The following ADD1 variants were observed in gnomAD, a reference collection of about 807,000 sequenced individuals.
ADD1 encodes adducin 1.
ADD1 carries 24 observed loss-of-function variants against 80.5 expected under a neutral mutation model. The ratio of observed to expected loss-of-function variants is 0.30; its 90% CI spans 0.22 to 0.42. ADD1 has a LOEUF of 0.42. ADD1 is among the 10% of genes least tolerant of loss of function. The pLI, the probability that ADD1 is intolerant of heterozygous loss-of-function variation, is 1.00. For synonymous variants in ADD1, 373 were observed against 393.8 expected, an observed-to-expected ratio of 0.95 and a Z score of 0.63; for missense variants, 948 against 1,019.0, an observed-to-expected ratio of 0.93 and a Z score of 0.95.
At chr4:2,855,455 A>T (rs932454127) in intron 1 of ADD1, among the ~76,000 whole-genome samples, 7 of 151,588 alleles carry the variant, frequency 4.6e-5, no homozygotes, top group African/African-American at 1.7e-4. Context: ...TGGTTTGGAA[A>T]TGACATACTC....
intron 4 of ADD1, among the ~76,000 whole-genome samples, chr4:2,888,537 T>G (rs1055893473): frequency 1.1e-4 from 16 of 151,652 alleles, no homozygotes; most frequent in Admixed American, 1.1e-3. Flanking sequence ...TGCCTCAGCC[T>G]CCCAAGTAGC....
chr4:2,927,973 G>A (rs764025220), intron 15 of ADD1, among the ~76,000 whole-genome samples, 198 bp from the exon 16 acceptor site: 33 of 152,262 alleles, frequency 2.2e-4, no homozygotes, highest in South Asian at 8.3e-4. Context: ...AAACTACCCC[G>A]AGACTGAGTC....
chr4:2,872,814 C>T (rs1156676416), intron 1 of ADD1, among the ~76,000 whole-genome samples: 3 of 152,162 alleles, frequency 2.0e-5, no homozygotes, highest in Non-Finnish European at 1.5e-5. Context: ...CCCACATCAG[C>T]TTCTCAAAGT....
chr4:2,880,158 C>T (rs1732010115), intron 2 of ADD1, among the ~76,000 whole-genome samples: 1 of 152,098 alleles, frequency 6.6e-6, no homozygotes, highest in African/African-American at 2.4e-5. Flanking sequence ...TTTTCCCTTC[C>T]TCACGGATGA....
Position 2,894,108 on chromosome 4 carries a change from C to G in ADD1, c.591+15C>G. 1 of 1,604,556 alleles carries G rather than the reference C, an allele frequency of 6.2e-7. No homozygotes were observed. Among genetic ancestry groups the G allele is most frequent in the South Asian group, 1.1e-5 (1 of 90,890 alleles). On this transcript the variant is annotated intron_variant, in intron 5 of 15. Transcript: ENST00000683351. ...CATCCAGTTTGGTAAGAATGTCCTTCTCTTTGGCAGCTTGTATGTGCAGGT... is the reference window on the plus strand; with the variant it reads ...CATCCAGTTTGGTAAGAATGTCCTTGTCTTTGGCAGCTTGTATGTGCAGGT...
chr4:2,899,468 T>A, intron 9 of ADD1, 33 bp downstream of exon 9: 2 of 1,612,824 alleles, frequency 1.2e-6, no homozygotes, highest in South Asian at 1.1e-5. Context: ...ATGATAAACC[T>A]TTTGTTCTAA....
intron 1 of ADD1, among the ~76,000 whole-genome samples, chr4:2,852,412 C>T (rs1472848552): frequency 2.2e-4 from 33 of 147,182 alleles, no homozygotes; most frequent in Admixed American, 8.8e-4. Context: ...CTGCAACCTC[C>T]GCCTCCCGGG....
chr4:2,888,421 T>C (rs1207227180), intron 4 of ADD1, among the ~76,000 whole-genome samples: 2 of 147,338 alleles, frequency 1.4e-5, no homozygotes, highest in African/African-American at 5.0e-5. Context: ...TTATTATTAT[T>C]ATTATTATTA....
intron 1 of ADD1, among the ~76,000 whole-genome samples, chr4:2,872,368 T>C (rs2108875230): frequency 6.7e-6 from 1 of 150,304 alleles, no homozygotes; most frequent in Non-Finnish European, 1.5e-5. Context: ...ATCCATACTT[T>C]AATCAACTTA....
chr4:2,908,468 A>C, intron 11 of ADD1, 47 bp from the exon 12 acceptor site: 1 of 1,551,586 alleles, frequency 6.4e-7, no homozygotes, highest in Non-Finnish European at 8.9e-7. Flanking sequence ...CCCAGGCAGC[A>C]TGGCTGCTCA....
chr4:2,845,513 C>G (rs1246193349), intron 1 of ADD1, among the ~76,000 whole-genome samples: 1 of 152,138 alleles, frequency 6.6e-6, no homozygotes, highest in Non-Finnish European at 1.5e-5. Context: ...GTATGGACAG[C>G]TGGTATGATT....
At chr4:2,877,689 C>T (rs1476618052) in intron 2 of ADD1, among the ~76,000 whole-genome samples, 2 of 151,982 alleles carry the variant, frequency 1.3e-5, no homozygotes, top group East Asian at 1.9e-4. Context: ...AAGAGGGGGC[C>T]GGGTGTGGGT....
In ADD1 at chr4:2,909,338, G is replaced by T; in HGVS notation, c.1699-1G>T. On this transcript the variant is annotated splice_acceptor_variant, in intron 12 of 15. Coordinates refer to ENST00000683351, the MANE Select transcript of ADD1 (RefSeq NM_001354761.2). LOFTEE classifies it high-confidence loss of function. The stretch of plus-strand genomic sequence containing the variant: ...TCTGGTGACTCAGTTTACTGTTTCA[G>T]GATGCACCTCTCTCTGACTGTACGG... 1 of 1,550,070 alleles carries T rather than the reference G, an allele frequency of 6.5e-7. No individual in the cohort carries two copies. The highest frequency in any genetic ancestry group is 1.2e-5 in the South Asian group (1 of 84,036).
chr4:2,880,536 C>T (rs930642951), intron 2 of ADD1, among the ~76,000 whole-genome samples: 10 of 118,408 alleles, frequency 8.4e-5, no homozygotes, highest in Non-Finnish European at 1.6e-4. Context: ...AGTGCAGTGG[C>T]GGGATCTCAG....
intron 13 of ADD1, among the ~76,000 whole-genome samples, chr4:2,912,988 A>G (rs1738338770): frequency 1.3e-5 from 2 of 151,904 alleles, no homozygotes; most frequent in African/African-American, 4.8e-5. Flanking sequence ...GGGATTACAG[A>G]TGCCCACTAC....
chr4:2,851,202 C>T (rs1342504468), intron 1 of ADD1, among the ~76,000 whole-genome samples: 3 of 152,192 alleles, frequency 2.0e-5, no homozygotes, highest in Admixed American at 1.3e-4. Flanking sequence ...GTGCATACCA[C>T]CACAGCTGGC....
At chr4:2,845,083 T>G (rs1310322667) in intron 1 of ADD1, among the ~76,000 whole-genome samples, 1 of 151,172 alleles carries the variant, frequency 6.6e-6, no homozygotes, top group Admixed American at 6.6e-5. Flanking sequence ...GATGATACCT[T>G]TTTTTTTTGA....
At chr4:2,892,645 C>G (rs1417220481) in intron 4 of ADD1, among the ~76,000 whole-genome samples, 1 of 152,018 alleles carries the variant, frequency 6.6e-6, no homozygotes, top group Non-Finnish European at 1.5e-5. Context: ...GCCTGGGCAA[C>G]TTAGTGAGAC....
intron 1 of ADD1, among the ~76,000 whole-genome samples, chr4:2,857,542 AG>A (rs1328952703): frequency 5.3e-5 from 8 of 152,150 alleles, no homozygotes; most frequent in Non-Finnish European, 1.0e-4. Flanking sequence ...CAGGAGGTGG[AG>A]GTTGCAGTGA....
Sources: gnomAD v4.1 joint callset for allele counts (sites outside exome capture counted in the v4.1 genomes callset) on GRCh38, gnomAD v4.1.1 for gene constraint, MANE v1.5 for transcripts, NCBI Gene and HGNC (gene_info 2026-07-23, HGNC 2026-07-21) for gene names.